Variants in ATG13 observed in about 807,000 individuals in gnomAD.
ATG13 encodes the protein autophagy-related protein 13.
A neutral mutation model predicts 65.5 loss-of-function variants in ATG13; 23 were observed. That is an observed-to-expected ratio of 0.35 (90% CI 0.25 to 0.50). The LOEUF is 0.50. Among genes scored for constraint, ATG13 ranks in the 20% least tolerant of loss-of-function variants. The pLI is 0.98. For missense variants in ATG13, 566 were observed against 677.0 expected, an observed-to-expected ratio of 0.84 and a Z score of 1.82; for synonymous variants, 252 against 245.2, an observed-to-expected ratio of 1.03 and a Z score of -0.26.
chr11:46,673,413 C>G lies in ATG13; in HGVS notation c.*1081C>G, dbSNP rs1224362187. 6.6e-6 allele frequency: 1 copy of G among 152,252 alleles called. No homozygotes were observed. Among genetic ancestry groups the G allele is most frequent in the African/African-American group, 2.4e-5 (1 of 41,428 alleles). The allele number at this position is 152,252 out of a possible 1,614,324, so 9.4% of individuals were successfully genotyped here. A position where few individuals can be genotyped will look rare whatever the true frequency, so the allele number is the denominator to read the frequency against. ...ATTCCTGGTGAGAGCCTTACATCTCCCACAGTTTCTGCAGAGTGACTGACT... is the reference window on the plus strand; with the variant it reads ...ATTCCTGGTGAGAGCCTTACATCTCGCACAGTTTCTGCAGAGTGACTGACT... On this transcript the variant is annotated 3_prime_UTR_variant, in exon 19 of 19. Transcript: ENST00000683050.
chr11:46,663,945 C>CTTTTTTTT lies in ATG13; in HGVS notation c.790-41_790-34dup, dbSNP rs953835564. The CTTTTTTTT allele has an allele frequency of 1.8e-4, 136 of 763,614 alleles. 1 individual carries two copies. The highest frequency in any genetic ancestry group is 6.9e-4 in the South Asian group (36 of 52,496). The allele number at this position is 763,614 out of a possible 1,614,324, so 47.3% of individuals were successfully genotyped here. ...TTCACTTCTTTCTCAAGTCCCTTTTCTTTTTTTTTTTTTTTTTTGTTTCTC... is the reference window on the plus strand; with the variant it reads ...TTCACTTCTTTCTCAAGTCCCTTTTCTTTTTTTTTTTTTTTTTTTTTTTTTTGTTTCTC... On this transcript the variant is annotated intron_variant, in intron 11 of 18. Transcript: ENST00000683050.
In ATG13 at chr11:46,638,920, A is replaced by C. The variant is rs191228622; in HGVS notation, c.-13-5359A>C. Among the ~76,000 whole-genome samples, 657 of 151,536 alleles carry C rather than the reference A, an allele frequency of 4.3e-3. 3 individuals carry two copies. The highest frequency in any genetic ancestry group is 0.015 in the African/African-American group (612 of 41,272). On this transcript the variant is annotated intron_variant, in intron 2 of 18. Coordinates refer to ENST00000683050, the MANE Select transcript of ATG13 (RefSeq NM_001346311.2). The stretch of plus-strand genomic sequence containing the variant: ...CCTCCCAGGTGCAAGCCATTCTCCC[A>C]CCTCAGCCTTCCAAGTAGCTGGGAC...
intron 1 of ATG13, among the ~76,000 whole-genome samples, chr11:46,628,186 T>C (rs1358630595): frequency 2.0e-5 from 3 of 151,720 alleles, no homozygotes; most frequent in African/African-American, 4.8e-5. Flanking sequence ...GCAGATCACC[T>C]GAGGTCAGGA....
At chr11:46,618,971 C>T (rs958109215) in intron 1 of ATG13, among the ~76,000 whole-genome samples, 1 of 152,128 alleles carries the variant, frequency 6.6e-6, no homozygotes, top group African/African-American at 2.4e-5. Context: ...GCATAAGCCA[C>T]AGAGTCCGGC....
chr11:46,668,658 A>G (rs2062974492), intron 16 of ATG13, 82 bp downstream of exon 16: 5 of 1,528,836 alleles, frequency 3.3e-6, no homozygotes, highest in Admixed American at 1.7e-5. Context: ...CTAATCCCCC[A>G]CAGACTATAA....
chr11:46,625,357 C>T (rs1402365780), intron 1 of ATG13: 2 of 149,056 alleles, frequency 1.3e-5, no homozygotes, highest in African/African-American at 5.0e-5. Context: ...CTCACTGCAG[C>T]CATACCTCCT....
chr11:46,637,134 T>C (rs1306943507), intron 2 of ATG13, among the ~76,000 whole-genome samples: 1 of 152,196 alleles, frequency 6.6e-6, no homozygotes, highest in Non-Finnish European at 1.5e-5. Flanking sequence ...TTGGGAACTA[T>C]AGGGGTTCAC....
At chr11:46,668,315 A>C (rs1188473442) in intron 15 of ATG13, among the ~76,000 whole-genome samples, 184 bp from the exon 16 acceptor site, 1 of 152,162 alleles carries the variant, frequency 6.6e-6, no homozygotes, top group Non-Finnish European at 1.5e-5. Context: ...CTGTGGGTGT[A>C]TGTGATGGGG....
chr11:46,672,530 T>C lies in ATG13; in HGVS notation c.*198T>C. ...GGCGGCAGTCAAGCCCAGTGCCCAG[T>C]TGGAGAAGACTCACGTGCTGGCCTT... On this transcript the variant is annotated 3_prime_UTR_variant, in exon 19 of 19. Coordinates refer to ENST00000683050, the MANE Select transcript of ATG13 (RefSeq NM_001346311.2). 3 of 1,461,356 alleles carry C rather than the reference T, an allele frequency of 2.1e-6. No homozygotes were observed. Among genetic ancestry groups the C allele is most frequent in the Admixed American group, 2.4e-5 (1 of 42,126 alleles). The allele number at this position is 1,461,356 out of a possible 1,614,324, so 90.5% of individuals were successfully genotyped here.
chr11:46,668,437 G>A (rs2062892667), intron 15 of ATG13, 62 bp from the exon 16 acceptor site: 1 of 1,540,700 alleles, frequency 6.5e-7, no homozygotes, highest in Non-Finnish European at 9.0e-7. Context: ...TGGCAACCAG[G>A]AAGGAAGCAT....
intron 5 of ATG13, among the ~76,000 whole-genome samples, chr11:46,648,135 G>T (rs1283809219): frequency 2.1e-5 from 3 of 144,160 alleles, no homozygotes; most frequent in African/African-American, 2.6e-5. Flanking sequence ...CTGCTCTGTT[G>T]CCCAGGCTGG....
chr11:46,639,647 C>T (rs1202626241), intron 2 of ATG13, among the ~76,000 whole-genome samples: 1 of 152,092 alleles, frequency 6.6e-6, no homozygotes, highest in Non-Finnish European at 1.5e-5. Context: ...AAATCCGCCT[C>T]CCAGGGAGTT....
In ATG13 at chr11:46,672,394, A is replaced by G; in HGVS notation, c.*62A>G. ...GGCCCCAGGGCATAAGCAGCCTCCC[A>G]TGCATCAGCTGCTCCCACCCCTCAT... On this transcript the variant is annotated 3_prime_UTR_variant, in exon 19 of 19. Coordinates refer to ENST00000683050, the MANE Select transcript of ATG13 (RefSeq NM_001346311.2). The G allele has an allele frequency of 1.9e-6, 3 of 1,612,590 alleles. No individual in the cohort carries two copies. Among genetic ancestry groups the G allele is most frequent in the Non-Finnish European group, 2.5e-6 (3 of 1,179,016 alleles).
intron 7 of ATG13, 25 bp downstream of exon 7, chr11:46,650,342 G>T: frequency 6.2e-7 from 1 of 1,603,232 alleles, no homozygotes; most frequent in South Asian, 1.1e-5. Context: ...TGGTCATCTT[G>T]ATTCACTCAT....
At chr11:46,665,293 T>C (rs1446350354) in intron 13 of ATG13, 90 bp from the exon 14 acceptor site, 2 of 1,497,076 alleles carry the variant, frequency 1.3e-6, no homozygotes, top group Non-Finnish European at 1.8e-6. Flanking sequence ...GATGGAAAAG[T>C]CAAAAGCAGA....
intron 1 of ATG13, among the ~76,000 whole-genome samples, chr11:46,624,142 CT>C (rs1161327095): frequency 6.6e-6 from 1 of 151,742 alleles, no homozygotes; most frequent in Non-Finnish European, 1.5e-5. Context: ...GTAGCTGGGA[CT>C]ACAGGCATGC....
chr11:46,620,094 T>C (rs1189393748), intron 1 of ATG13, among the ~76,000 whole-genome samples: 1 of 151,880 alleles, frequency 6.6e-6, no homozygotes, highest in East Asian at 2.0e-4. Flanking sequence ...CTGTGTTTTT[T>C]GTTGTTGTTT....
At chr11:46,645,202 G>C (rs2057207027) in intron 3 of ATG13, 137 bp from the exon 4 acceptor site, 1 of 646,480 alleles carries the variant, frequency 1.5e-6, no homozygotes, top group African/African-American at 1.9e-5. Flanking sequence ...AAATTATACT[G>C]TTTCCCAAAG....
intron 1 of ATG13, 135 bp downstream of exon 1, chr11:46,618,025 G>C (rs919901309): frequency 1.0e-5 from 4 of 396,696 alleles, no homozygotes; most frequent in African/African-American, 2.1e-5. Flanking sequence ...GGGCCCCTGA[G>C]TTTTCTGTGG....
Sources: gnomAD v4.1 joint callset for allele counts (sites outside exome capture counted in the v4.1 genomes callset) on GRCh38, gnomAD v4.1.1 for gene constraint, MANE v1.5 for transcripts, NCBI Gene and HGNC (gene_info 2026-07-23, HGNC 2026-07-21) for gene names.